CPS1: variants seen among roughly 807,000 people sequenced by gnomAD.
CPS1 encodes carbamoyl-phosphate synthase [ammonia], mitochondrial.
A neutral mutation model predicts 174.6 loss-of-function variants in CPS1; 109 were observed. The ratio of observed to expected loss-of-function variants is 0.62; its 90% CI spans 0.53 to 0.73. The LOEUF (loss-of-function observed/expected upper bound fraction) is 0.73, where lower values mean the gene tolerates loss of function less well. Among genes scored for constraint, CPS1 ranks in the 30% least tolerant of loss-of-function variants. The pLI, the probability that CPS1 is intolerant of heterozygous loss-of-function variation, is 0.00. For missense variants in CPS1, 1,689 were observed against 1,821.9 expected, an observed-to-expected ratio of 0.93 and a Z score of 1.33; for synonymous variants, 637 against 632.0, an observed-to-expected ratio of 1.01 and a Z score of -0.12.
intron 25 of CPS1, among the ~76,000 whole-genome samples, chr2:210,645,827 C>A (rs1184615629): frequency 5.3e-5 from 8 of 152,134 alleles, no homozygotes; most frequent in South Asian, 2.1e-4. Flanking sequence ...CTTTACTGAG[C>A]CTCAGTTTCT....
At position 210,678,258 on chromosome 2, in the gene CPS1, A is replaced by T; in HGVS notation, c.*273A>T. On this transcript the variant is annotated 3_prime_UTR_variant, in exon 38 of 38. Transcript: ENST00000233072. The stretch of plus-strand genomic sequence containing the variant: ...TAGGCTTGCCTATGTGCTTATGTGT[A>T]GCTTTTTACTTTTTATGGTGCTGAT... 1 of 481,720 alleles carries T rather than the reference A, an allele frequency of 2.1e-6. No individual in the cohort carries two copies. The highest frequency in any genetic ancestry group is 2.1e-5 in the South Asian group (1 of 48,232). 29.8% of individuals were successfully genotyped at this position (481,720 alleles called of 1,614,324 possible). A position where few individuals can be genotyped will look rare whatever the true frequency, so the allele number is the denominator to read the frequency against.
intron 13 of CPS1, among the ~76,000 whole-genome samples, chr2:210,596,935 T>TA (rs920438249): frequency 2.6e-5 from 4 of 151,766 alleles, no homozygotes; most frequent in Admixed American, 2.6e-4. Context: ...ATTTTTAAAC[T>TA]AAAAAAATAA....
chr2:210,613,568 G>T (rs576831008), intron 20 of CPS1, among the ~76,000 whole-genome samples: 1 of 151,896 alleles, frequency 6.6e-6, no homozygotes, highest in East Asian at 1.9e-4. Context: ...ATGTGTGTGT[G>T]TGTGTGTATA....
intron 6 of CPS1, 25 bp downstream of exon 6, chr2:210,582,734 G>A: frequency 6.4e-7 from 1 of 1,559,656 alleles, no homozygotes; most frequent in Non-Finnish European, 8.8e-7. Flanking sequence ...TTTATATTTT[G>A]TAGTTTTATT....
chr2:210,481,550 A>G (rs1026430303), intron 1 of CPS1, among the ~76,000 whole-genome samples: 1 of 152,214 alleles, frequency 6.6e-6, no homozygotes, highest in Non-Finnish European at 1.5e-5. Context: ...TTCTTTTGGC[A>G]TATCTGATAG....
chr2:210,554,280 T>C (rs966418051), upstream of CPS1, among the ~76,000 whole-genome samples: 1 of 149,510 alleles, frequency 6.7e-6, no homozygotes, highest in Non-Finnish European at 1.5e-5. Context: ...TGTATATATA[T>C]ACACACACAC....
Position 210,595,537 on chromosome 2 carries a change from T to C in CPS1, c.1314T>C (p.Ala438=). 1 of 1,611,688 alleles carries C rather than the reference T, an allele frequency of 6.2e-7. No homozygotes were observed. ...CAGGAGGTCTGTCCATTGGTCAGGC[T>C]GGAGAATTTGATTACTCAGGATCTC... The part of the protein sequence containing the change: ...LGSGGLSIGQ[A]GEFDYSGSQA... The change falls in exon 13 of 38, where the codon GCT becomes GCC. Residue 438 remains alanine, a synonymous_variant. Coordinates refer to ENST00000233072, the MANE Select transcript of CPS1 (RefSeq NM_001875.5).
intron 25 of CPS1, among the ~76,000 whole-genome samples, chr2:210,645,651 T>G (rs1700356464): frequency 6.6e-6 from 1 of 152,052 alleles, no homozygotes; most frequent in Non-Finnish European, 1.5e-5. Context: ...GGCGTGGTGG[T>G]GCATGCCTGT....
At chr2:210,651,177 A>G (rs1328015218) in intron 28 of CPS1, among the ~76,000 whole-genome samples, 1 of 152,046 alleles carries the variant, frequency 6.6e-6, no homozygotes, top group Non-Finnish European at 1.5e-5. Flanking sequence ...AACAATTCAT[A>G]GAGAAGAGTT....
chr2:210,676,621 A>G (rs1701545457), intron 36 of CPS1, among the ~76,000 whole-genome samples: 1 of 152,224 alleles, frequency 6.6e-6, no homozygotes, highest in Non-Finnish European at 1.5e-5. Flanking sequence ...TTGTAAAACA[A>G]TAATTAGCAC....
chr2:210,614,998 C>T (rs765335251), intron 20 of CPS1, among the ~76,000 whole-genome samples: 15 of 151,836 alleles, frequency 9.9e-5, no homozygotes, highest in Non-Finnish European at 1.2e-4. Flanking sequence ...CAAACCTGCA[C>T]GTCCTGCACA....
chr2:210,543,893 C>T (rs1257242016), intron 1 of CPS1, among the ~76,000 whole-genome samples: 1 of 151,980 alleles, frequency 6.6e-6, no homozygotes, highest in African/African-American at 2.4e-5. Context: ...AGAATCACTT[C>T]CCCCCCTCCC....
chr2:210,535,532 A>T (rs1393983496), intron 1 of CPS1, among the ~76,000 whole-genome samples: 1 of 152,098 alleles, frequency 6.6e-6, no homozygotes, highest in Non-Finnish European at 1.5e-5. Flanking sequence ...TCACAATAAT[A>T]CCAGAAAGCC....
intron 1 of CPS1, among the ~76,000 whole-genome samples, chr2:210,573,075 AG>A (rs1697568130): frequency 6.6e-6 from 1 of 152,076 alleles, no homozygotes; most frequent in Admixed American, 6.6e-5. Flanking sequence ...TGCATGCTTC[AG>A]TTCCTCTTCC....
At position 210,658,587 on chromosome 2, in the gene CPS1, T is replaced by G. The variant is rs778244807; in HGVS notation, c.3667-12T>G. ...TCTTTAGCACACTATACGATTATGC[T>G]TTTTAATTCAGGTGAAGGATGCTAC... is the stretch of plus-strand genomic sequence containing the variant. On this transcript the variant is annotated splice_polypyrimidine_tract_variant and intron_variant, in intron 30 of 37. Transcript: ENST00000233072. 4.3e-6 allele frequency: 7 copies of G among 1,612,334 alleles called. No homozygotes were observed. The Admixed American group carries it at 5.0e-5, about 12-fold the overall frequency.
intron 25 of CPS1, among the ~76,000 whole-genome samples, chr2:210,644,815 A>G (rs890186570): frequency 4.7e-5 from 7 of 150,116 alleles, no homozygotes; most frequent in Admixed American, 6.6e-5. Flanking sequence ...TTCTTGTGCT[A>G]TGGTAAGTTA....
chr2:210,639,941 A>T, intron 23 of CPS1, 55 bp from the exon 24 acceptor site: 2 of 1,243,068 alleles, frequency 1.6e-6, no homozygotes, highest in Non-Finnish European at 2.4e-6. Flanking sequence ...TAGTTTAATT[A>T]AATGGAATAA....
At position 210,513,004 on chromosome 2, in the gene CPS1, ATATATATATC is replaced by A. The variant is rs1695562736; in HGVS notation, c.3+35246_3+35255del. On this transcript the variant is annotated intron_variant, in intron 1 of 38. Transcript: ENST00000430249. ...TATGGAGAGATATATATATGGAGATATATATATATCTATATATCTATATATTTATATATAT... is the reference window on the plus strand; with the variant it reads ...TATGGAGAGATATATATATGGAGATATATATATCTATATATTTATATATAT... Among the ~76,000 whole-genome samples the A allele has an allele frequency of 4.8e-4, 12 of 24,826 alleles. 4 individuals carry two copies. The highest frequency in any genetic ancestry group is 4.9e-3 in the South Asian group (2 of 406). 16.3% of individuals were successfully genotyped at this position (24,826 alleles called of 152,430 possible). A position where few individuals can be genotyped will look rare whatever the true frequency, so the allele number is the denominator to read the frequency against.
chr2:210,665,686 T>C (rs1335824328), intron 33 of CPS1, among the ~76,000 whole-genome samples: 1 of 151,646 alleles, frequency 6.6e-6, no homozygotes, highest in African/African-American at 2.4e-5. Context: ...TAGTATTCCA[T>C]GGTATATATG....
Sources: allele counts gnomAD v4.1 joint callset (sites outside exome capture counted in the v4.1 genomes callset), GRCh38; gene constraint gnomAD v4.1.1; transcripts MANE v1.5; gene names NCBI Gene and HGNC (gene_info 2026-07-23, HGNC 2026-07-21).